Variants in ANO9 observed in about 807,000 individuals in gnomAD.
ANO9 encodes anoctamin-9.
In ANO9, 80 loss-of-function variants were observed where a neutral mutation model predicts 100.5. That is an observed-to-expected ratio of 0.80 (90% CI 0.66 to 0.96). The LOEUF (loss-of-function observed/expected upper bound fraction) is 0.96. Among genes scored for constraint, ANO9 ranks in the 40% least tolerant of loss-of-function variants. ANO9 has a pLI of 0.00. For missense variants in ANO9, 1,064 were observed against 1,072.7 expected (o/e 0.99, Z 0.11); for synonymous variants, 473 against 435.6 (o/e 1.09, Z -1.07).
chr11:428,923 G>C (rs771259266), intron 11 of ANO9, 97 bp from the exon 12 acceptor site: 15 of 1,151,798 alleles, frequency 1.3e-5, no homozygotes, highest in Non-Finnish European at 1.9e-5. Context: ...ACAGACACGG[G>C]ACACTCACCC....
At chr11:420,649 G>A (rs755129128) in intron 18 of ANO9, 34 bp from the exon 19 acceptor site, 1 of 1,601,792 alleles carries the variant, frequency 6.2e-7, no homozygotes, top group Non-Finnish European at 8.5e-7. Context: ...CCGGCGCCCC[G>A]CACTCATGTC....
chr11:433,821 G>T lies in ANO9; in HGVS notation c.198C>A (p.His66Gln), dbSNP rs1236214849. 2 of 1,561,004 alleles carry T rather than the reference G, an allele frequency of 1.3e-6. No individual in the cohort carries two copies. The highest frequency in any genetic ancestry group is 2.4e-5 in the South Asian group (2 of 84,810). ...TCGCTGGGCACCCGCCCACCTTAAT[G>T]TGGAAGCCCTTTCTCCTGAGCTCCT... ...FLEELRRKGF[H>Q]IKVIRDQKQV... Residue 66 changes from histidine to glutamine, a missense_variant, in exon 3 of 23, where the codon CAC becomes CAA. Physicochemically the swap from His to Gln is conservative, Grantham distance 24 (BLOSUM62 0). Transcript: ENST00000332826.
chr11:435,850 TC>T lies in ANO9; in HGVS notation c.7-1753del, dbSNP rs1849484060. On this transcript the variant is annotated intron_variant, in intron 1 of 22. Coordinates refer to ENST00000332826, the MANE Select transcript of ANO9 (RefSeq NM_001012302.3). ...CATAATACGGTATAGTCTAGTCTAG[TC>T]TAGTCTAGTCTAGTATAGCATAGTA... Among the ~76,000 whole-genome samples the T allele has an allele frequency of 3.3e-5, 5 of 151,020 alleles. No homozygotes were observed. In the South Asian group the frequency reaches 1.0e-3, roughly 32 times the overall value.
At position 429,797 on chromosome 11, in the gene ANO9, C is replaced by A; in HGVS notation, c.793G>T (p.Asp265Tyr). The part of the protein sequence containing the change: ...FAKLTHLFDN[D>Y]GTVVFAIFMA... The stretch of plus-strand genomic sequence containing the variant: ...AAGATGGCGAACACCACCGTGCCAT[C>A]ATTGTCAAAGAGGTGGGTGAGCTGG... The change falls in exon 10 of 23, where the codon GAT (aspartate) becomes TAT (tyrosine). Residue 265 changes from aspartate to tyrosine, a missense_variant. Asp to Tyr is a radical substitution (Grantham distance 160). Coordinates refer to ENST00000332826, the MANE Select transcript of ANO9 (RefSeq NM_001012302.3). 1 of 1,607,778 alleles carries A rather than the reference C, an allele frequency of 6.2e-7. No homozygotes were observed. Among genetic ancestry groups the A allele is most frequent in the Non-Finnish European group, 8.5e-7 (1 of 1,176,314 alleles).
chr11:428,265 G>C, intron 14 of ANO9, 66 bp from the exon 15 acceptor site: 1 of 1,607,070 alleles, frequency 6.2e-7, no homozygotes, highest in Non-Finnish European at 8.5e-7. Flanking sequence ...AGCAGGAAGG[G>C]TCCCCTCCCC....
rs536925239 is a variant in ANO9, at chr11:432,303, C to T, written c.351-249G>A. On this transcript the variant is annotated intron_variant, in intron 4 of 22. Transcript: ENST00000332826. The surrounding 1 kb of genome is among the most constrained non-coding windows in gnomAD (Gnocchi z 4.8). ...TGAGGCTGGGCTGGGGGCTCCTTCT[C>T]CTCCCAGCCCGTCCCTCCCAGAAGC... 2 of 545,668 alleles carry T rather than the reference C, an allele frequency of 3.7e-6. No homozygotes were observed. The highest frequency in any genetic ancestry group is 6.3e-5 in the Admixed American group (2 of 31,680). 33.8% of individuals were successfully genotyped at this position (545,668 alleles called of 1,614,324 possible).
intron 15 of ANO9, among the ~76,000 whole-genome samples, chr11:426,544 C>G (rs1024292729): frequency 7.9e-5 from 12 of 152,100 alleles, no homozygotes; most frequent in Non-Finnish European, 1.6e-4. Context: ...TGTACTCCAG[C>G]CTGGGGCAAT....
rs1355622215 is a variant in ANO9, at chr11:433,569, C to T, written c.205-110G>A. The T allele has an allele frequency of 9.3e-6, 14 of 1,501,686 alleles. 1 individual carries two copies. The South Asian group carries it at 1.1e-4, about 12-fold the overall frequency. The allele number at this position is 1,501,686 out of a possible 1,614,324, so 93.0% of individuals were successfully genotyped here. On this transcript the variant is annotated intron_variant, in intron 3 of 22. Transcript: ENST00000332826. ...TCAGAACCCTCCCCCCTCTATTCCG[C>T]CTCAGAACCCTCCCTTCATCTGCCG...
Position 432,581 on chromosome 11 carries a change from A to C in ANO9, c.351-527T>G. 1 of 158,584 alleles carries C rather than the reference A, an allele frequency of 6.3e-6. No individual in the cohort carries two copies. Among genetic ancestry groups the C allele is most frequent in the South Asian group, 1.8e-4 (1 of 5,440 alleles). The allele number at this position is 158,584 out of a possible 1,614,324, so 9.8% of individuals were successfully genotyped here. On this transcript the variant is annotated intron_variant, in intron 4 of 22. Transcript: ENST00000332826. This position sits in a 1 kb window ranked among gnomAD's most constrained non-coding sequence, Gnocchi z 4.8. ...CTGTGCCTACAGACATGGCTCCTGG[A>C]CACCCCAGGGCACGTCGCAGGTATG...
At position 418,165 on chromosome 11, in the gene ANO9, C is replaced by T. The variant is rs1217631975; in HGVS notation, c.*206G>A. Reference sequence around the variant, plus strand: ...GGGTCACCCAGAGTTCAAGTCAGGGCTGTGCCAAGCCTGAGAGCCCCCACA... The same window carrying T: ...GGGTCACCCAGAGTTCAAGTCAGGGTTGTGCCAAGCCTGAGAGCCCCCACA... On this transcript the variant is annotated 3_prime_UTR_variant, in exon 23 of 23. Coordinates refer to ENST00000332826, the MANE Select transcript of ANO9 (RefSeq NM_001012302.3). 5.1e-6 allele frequency: 3 copies of T among 593,772 alleles called. No individual in the cohort carries two copies. The highest frequency in any genetic ancestry group is 1.9e-5 in the African/African-American group (1 of 53,650). 36.8% of individuals were successfully genotyped at this position (593,772 alleles called of 1,614,324 possible).
intron 19 of ANO9, chr11:420,099 C>T: frequency 3.8e-6 from 5 of 1,319,346 alleles, no homozygotes; most frequent in Non-Finnish European, 4.8e-6. Context: ...ACATCCAGCG[C>T]CCCAGCTCCC....
At position 433,391 on chromosome 11, in the gene ANO9, GCGGT is replaced by G. The variant is rs753612105; in HGVS notation, c.269_272del (p.Tyr90SerfsTer33). The G allele has an allele frequency of 8.1e-6, 13 of 1,613,256 alleles. No individual in the cohort carries two copies. In the East Asian group the frequency reaches 2.7e-4, roughly 33 times the overall value. The stretch of plus-strand genomic sequence containing the variant: ...GCCCCTCAGGCTCCAGGAGGAGAGT[GCGGT>G]ACAGGCCAAAGACACTGTTGTCAGC... On this transcript the variant is annotated frameshift_variant, in exon 4 of 23. Coordinates refer to ENST00000332826, the MANE Select transcript of ANO9 (RefSeq NM_001012302.3). LOFTEE classifies it high-confidence loss of function.
At chr11:428,289 C>G in intron 14 of ANO9, 69 bp downstream of exon 14, 1 of 1,608,632 alleles carries the variant, frequency 6.2e-7, no homozygotes, top group South Asian at 1.1e-5. Flanking sequence ...TCTCTGACCA[C>G]AGCCCCAAGG....
At chr11:418,835 G>C (rs1338117972) in intron 21 of ANO9, 22 bp from the exon 22 acceptor site, 2 of 1,613,412 alleles carry the variant, frequency 1.2e-6, no homozygotes, top group African/African-American at 2.7e-5. Context: ...AAGTACCTGA[G>C]GTCAGGGGTC....
In ANO9 at chr11:441,911, C is replaced by G; in HGVS notation, c.6+10G>C. ...TTGAAGGTGTGGACCCTTTTGAGCG[C>G]AGGACTCACCTGCATGCTGGCTGTG... is the stretch of plus-strand genomic sequence containing the variant. On this transcript the variant is annotated intron_variant, in intron 1 of 22. Transcript: ENST00000332826. 4 of 1,607,684 alleles carry G rather than the reference C, an allele frequency of 2.5e-6. No individual in the cohort carries two copies. Among genetic ancestry groups the G allele is most frequent in the Non-Finnish European group, 3.4e-6 (4 of 1,179,218 alleles).
chr11:426,598 T>G (rs1263126803), intron 15 of ANO9, among the ~76,000 whole-genome samples: 1 of 151,944 alleles, frequency 6.6e-6, no homozygotes, highest in Non-Finnish European at 1.5e-5. Context: ...AAAAATAAAA[T>G]GACAGGCTGC....
Position 431,617 on chromosome 11 carries a change from G to C in ANO9, c.539+77C>G. 1.6e-6 allele frequency: 2 copies of C among 1,235,944 alleles called. 1 individual carries two copies. The highest frequency in any genetic ancestry group is 2.2e-6 in the Non-Finnish European group (2 of 896,980). The allele number at this position is 1,235,944 out of a possible 1,614,324, so 76.6% of individuals were successfully genotyped here. On this transcript the variant is annotated intron_variant, in intron 7 of 22. Transcript: ENST00000332826. ...GGGGCTTCCGCGGGGGTGTGGGGGC[G>C]TCCGCGGGTATCTGGGGGCGTCCGC...
intron 15 of ANO9, among the ~76,000 whole-genome samples, chr11:427,351 A>G (rs1848578150): frequency 6.6e-6 from 1 of 151,836 alleles, no homozygotes; most frequent in African/African-American, 2.4e-5. Flanking sequence ...CTCCATCTCA[A>G]AAAAAAAGTA....
intron 1 of ANO9, among the ~76,000 whole-genome samples, chr11:434,581 C>T (rs1361670447): frequency 1.3e-5 from 2 of 152,176 alleles, no homozygotes; most frequent in African/African-American, 4.8e-5. Flanking sequence ...CTGGCCTAGC[C>T]CGTCCACCCC....
Sources: allele counts gnomAD v4.1 joint callset (sites outside exome capture counted in the v4.1 genomes callset), GRCh38; gene constraint gnomAD v4.1.1; non-coding constraint Gnocchi (gnomAD v3.1); transcripts MANE v1.5; gene names NCBI Gene and HGNC (gene_info 2026-07-23, HGNC 2026-07-21).